CMIP: variants seen among roughly 807,000 people sequenced by gnomAD.
The protein encoded by CMIP is C-Maf-inducing protein.
In CMIP, 13 loss-of-function variants were observed where a neutral mutation model predicts 97.3. The observed-to-expected ratio is 0.13, with a 90% CI of 0.09 to 0.21. The LOEUF is 0.21. Ranked by LOEUF, CMIP falls within the 10% of genes least tolerant of loss-of-function variation. The pLI, the probability that CMIP is intolerant of heterozygous loss-of-function variation, is 1.00. For synonymous variants in CMIP, 538 were observed against 436.3 expected (o/e 1.23, Z -2.91); for missense variants, 847 against 1,024.9 (o/e 0.83, Z 2.37).
rs1271201101 is a variant in CMIP, at chr16:81,445,351, C to T, written c.110C>T (p.Ala37Val). Residue 37 changes from alanine to valine, a missense_variant, in exon 1 of 21, where the codon GCC becomes GTC. This residue lies in a region of CMIP where 94 missense variants were observed against 79.9 expected (regional missense o/e 1.18). Coordinates refer to ENST00000537098, the MANE Select transcript of CMIP (RefSeq NM_198390.3). ...GCCCCCGAAGGCACGAAGATGGGCG[C>T]CGTGCCCTGCCGCCGGGCTCTTCTG... is the stretch of plus-strand genomic sequence containing the variant. ...VSAPEGTKMG[A>V]VPCRRALLLC... 1.2e-6 allele frequency: 2 copies of T among 1,600,618 alleles called. No homozygotes were observed. Among genetic ancestry groups the T allele is most frequent in the Admixed American group, 3.4e-5 (2 of 58,256 alleles).
At chr16:81,682,567 C>CAAA (rs113037541) in intron 10 of CMIP, among the ~76,000 whole-genome samples, 29 of 135,080 alleles carry the variant, frequency 2.1e-4, no homozygotes, top group Non-Finnish European at 4.0e-4. Flanking sequence ...CTCCCATCTC[C>CAAA]AAAAAAAAAA....
At chr16:81,511,975 C>G (rs923740640) in intron 1 of CMIP, among the ~76,000 whole-genome samples, 1 of 152,062 alleles carries the variant, frequency 6.6e-6, no homozygotes, top group African/African-American at 2.4e-5. Flanking sequence ...AAAACGCACA[C>G]TGGATTTTGA....
intron 14 of CMIP, chr16:81,698,151 A>G (rs1394390796): frequency 6.6e-6 from 1 of 152,198 alleles, no homozygotes; most frequent in Non-Finnish European, 1.5e-5. Context: ...CAGCCGCTGG[A>G]TGGAAGTGTG....
Position 81,581,590 on chromosome 16 carries a change from G to A in CMIP, c.301-25977G>A, listed in dbSNP as rs769152699. Among the ~76,000 whole-genome samples, 31 of 152,314 alleles carry A rather than the reference G, an allele frequency of 2.0e-4. 1 individual carries two copies. The highest frequency in any genetic ancestry group is 4.1e-4 in the African/African-American group (17 of 41,560). On this transcript the variant is annotated intron_variant, in intron 1 of 20. Transcript: ENST00000537098. ...CGTGACCAGAACGTTGTTATGCAGT[G>A]CTTGGCTGTATTTGTTTGAGTCCAT...
chr16:81,618,990 C>G (rs1435892410), intron 2 of CMIP: 16 of 152,254 alleles, frequency 1.1e-4, no homozygotes, highest in Non-Finnish European at 1.5e-5. Flanking sequence ...AGCTCAGCAA[C>G]AGTCTCTCCA....
rs150303788 is a variant in CMIP, at chr16:81,460,881, C to A, written c.300+15340C>A. Among the ~76,000 whole-genome samples, 496 of 152,278 alleles carry A rather than the reference C, an allele frequency of 3.3e-3. 2 individuals are homozygous for A. Among genetic ancestry groups the A allele is most frequent in the African/African-American group, 0.011 (447 of 41,546 alleles). On this transcript the variant is annotated intron_variant, in intron 1 of 20. Coordinates refer to ENST00000537098, the MANE Select transcript of CMIP (RefSeq NM_198390.3). ...TGGTAGTGGCCATTTCTTTGCCTAC[C>A]CACTGTGGCCTTGTTGTGAAGAACT...
intron 1 of CMIP, among the ~76,000 whole-genome samples, chr16:81,527,754 C>T (rs1200057923): frequency 6.6e-6 from 1 of 152,240 alleles, no homozygotes; most frequent in Non-Finnish European, 1.5e-5. Flanking sequence ...GCTTCATCTA[C>T]ATTCTGTTTA....
chr16:81,515,270 C>T (rs568868799), intron 1 of CMIP, among the ~76,000 whole-genome samples: 16 of 152,104 alleles, frequency 1.1e-4, no homozygotes, highest in Non-Finnish European at 1.5e-4. Flanking sequence ...CACCTGTCAG[C>T]GAGGCCTCAA....
intron 1 of CMIP, among the ~76,000 whole-genome samples, chr16:81,472,889 G>T (rs1304392691): frequency 6.6e-6 from 1 of 152,194 alleles, no homozygotes; most frequent in Admixed American, 6.5e-5. Flanking sequence ...ACTTTGTCCT[G>T]TTCCTTTCGG....
At chr16:81,602,948 T>C (rs1240139081) in intron 1 of CMIP, among the ~76,000 whole-genome samples, 1 of 152,216 alleles carries the variant, frequency 6.6e-6, no homozygotes, top group African/African-American at 2.4e-5. Flanking sequence ...GCCTGGGCAG[T>C]GTTAGCTCAT....
intron 1 of CMIP, among the ~76,000 whole-genome samples, chr16:81,483,104 G>A (rs1286976221): frequency 6.6e-6 from 1 of 152,244 alleles, no homozygotes; most frequent in Non-Finnish European, 1.5e-5. Flanking sequence ...AGACGAGGGA[G>A]GACAGAAGTA....
chr16:81,499,712 G>A (rs2089560168), intron 1 of CMIP, among the ~76,000 whole-genome samples: 1 of 152,244 alleles, frequency 6.6e-6, no homozygotes, highest in African/African-American at 2.4e-5. Context: ...GAGAAGTGGT[G>A]GAGGAGACTC....
chr16:81,467,605 G>A (rs191515977), intron 1 of CMIP, among the ~76,000 whole-genome samples: 173 of 149,050 alleles, frequency 1.2e-3, no homozygotes, highest in African/African-American at 4.1e-3. Flanking sequence ...TTTTGAGATG[G>A]AGTCTCGTTC....
rs772229383 is a variant in CMIP at position 81,670,245 on chromosome 16, G to A, written c.929G>A (p.Ser310Asn). 1 of 1,608,348 alleles carries A rather than the reference G, an allele frequency of 6.2e-7. No individual in the cohort carries two copies. The highest frequency in any genetic ancestry group is 8.5e-7 in the Non-Finnish European group (1 of 1,177,400). Residue 310 changes from serine (S) to asparagine (N), a missense_variant and splice_region_variant, in exon 8 of 21, where the codon AGC becomes AAC. This residue lies in a region of CMIP where 285 missense variants were observed against 392.2 expected (regional missense o/e 0.73). Coordinates refer to ENST00000537098, the MANE Select transcript of CMIP (RefSeq NM_198390.3). ...GAAGTGGTGAAGAAGTTCATTCAGA[G>A]GTGGGTCTCCGGCGCGACGTCCCTC... ...GMEVVKKFIQ[S>N]MHGPTGHCPH...
In CMIP at chr16:81,444,945, C is replaced by T. The variant is rs1307972644; in HGVS notation, c.-297C>T. Among the ~76,000 whole-genome samples, 1 of 139,538 alleles carries T rather than the reference C, an allele frequency of 7.2e-6. No individual in the cohort carries two copies. Among genetic ancestry groups the T allele is most frequent in the Admixed American group, 7.0e-5 (1 of 14,360 alleles). The allele number at this position is 139,538 out of a possible 152,430, so 91.5% of individuals were successfully genotyped here. On this transcript the variant is annotated 5_prime_UTR_variant, in exon 1 of 21. Coordinates refer to ENST00000537098, the MANE Select transcript of CMIP (RefSeq NM_198390.3). ...TCCGCGCCTGGCCCCGGCCCGCCCTCGGCCTCCCCCGCCCCTCCCCGTCGC... is the reference window on the plus strand; with the variant it reads ...TCCGCGCCTGGCCCCGGCCCGCCCTTGGCCTCCCCCGCCCCTCCCCGTCGC...
rs1009522205 is a variant in CMIP at position 81,656,395 on chromosome 16, G to A, written c.640-1380G>A. ...TCTTGCCAACACTGTTCAAATGAGAGGTCTCTTTACAAGCAGCCAATGTGG... is the reference window on the plus strand; with the variant it reads ...TCTTGCCAACACTGTTCAAATGAGAAGTCTCTTTACAAGCAGCCAATGTGG... On this transcript the variant is annotated intron_variant, in intron 4 of 20. Transcript: ENST00000537098. Among the ~76,000 whole-genome samples the A allele has an allele frequency of 8.5e-5, 13 of 152,232 alleles. No homozygotes were observed. The South Asian group carries it at 2.5e-3, about 29-fold the overall frequency.
At chr16:81,589,427 T>C (rs1182749563) in intron 1 of CMIP, among the ~76,000 whole-genome samples, 1 of 152,090 alleles carries the variant, frequency 6.6e-6, no homozygotes, top group Non-Finnish European at 1.5e-5. Flanking sequence ...TTTATATTCA[T>C]GACAATAGTA....
intron 1 of CMIP, among the ~76,000 whole-genome samples, chr16:81,510,945 C>G (rs777869984): frequency 2.4e-4 from 37 of 152,142 alleles, no homozygotes; most frequent in Non-Finnish European, 4.6e-4. Flanking sequence ...GTCTTGAACT[C>G]CTGACCTCAG....
chr16:81,689,252 G>C (rs1905779216), intron 10 of CMIP, among the ~76,000 whole-genome samples: 1 of 152,226 alleles, frequency 6.6e-6, no homozygotes. Flanking sequence ...CACAATGGTT[G>C]AACTAGTTTA....
Sources: gnomAD v4.1 joint callset for allele counts (sites outside exome capture counted in the v4.1 genomes callset) on GRCh38, gnomAD v4.1.1 for gene constraint, gnomAD v4.1.1 regional missense constraint, MANE v1.5 for transcripts, NCBI Gene and HGNC (gene_info 2026-07-23, HGNC 2026-07-21) for gene names.